SENP2: variants seen among roughly 807,000 people sequenced by gnomAD.
The protein encoded by SENP2 is sentrin-specific protease 2.
In SENP2, 16 loss-of-function variants were observed where a neutral mutation model predicts 86.3. That is an observed-to-expected ratio of 0.19 (90% CI 0.13 to 0.28). The LOEUF (loss-of-function observed/expected upper bound fraction) is 0.28. Ranked by LOEUF, SENP2 falls within the 10% of genes least tolerant of loss-of-function variation. SENP2 has a pLI of 1.00. For missense variants in SENP2, 552 were observed against 703.0 expected, an observed-to-expected ratio of 0.79 and a Z score of 2.43; for synonymous variants, 222 against 238.7, an observed-to-expected ratio of 0.93 and a Z score of 0.64.
chr3:185,623,377 T>C (rs1213038051), intron 14 of SENP2, among the ~76,000 whole-genome samples: 1 of 151,798 alleles, frequency 6.6e-6, no homozygotes, highest in Non-Finnish European at 1.5e-5. Context: ...CGACCTCAGG[T>C]GATCCATCCG....
At chr3:185,620,318 C>A (rs936926097) in intron 13 of SENP2, among the ~76,000 whole-genome samples, 2 of 152,106 alleles carry the variant, frequency 1.3e-5, no homozygotes, top group Non-Finnish European at 2.9e-5. Flanking sequence ...TTTAAGCAGT[C>A]CTCCCACCTC....
At chr3:185,594,734 C>T (rs559140364) in intron 2 of SENP2, among the ~76,000 whole-genome samples, 1 of 152,040 alleles carries the variant, frequency 6.6e-6, no homozygotes, top group East Asian at 1.9e-4. Context: ...ATTCTCCTGC[C>T]TCAGTCTCCT....
intron 13 of SENP2, among the ~76,000 whole-genome samples, chr3:185,620,865 G>A (rs1711834756): frequency 6.6e-6 from 1 of 151,928 alleles, no homozygotes; most frequent in Admixed American, 6.6e-5. Context: ...AAGGCCAGGT[G>A]TGGTGGCTCA....
At chr3:185,624,401 T>C (rs1231458607) in intron 15 of SENP2, among the ~76,000 whole-genome samples, 1 of 152,162 alleles carries the variant, frequency 6.6e-6, no homozygotes, top group Admixed American at 6.6e-5. Context: ...CATCTTCTTG[T>C]CTAAATGTAA....
rs1485955698 is a variant in SENP2, at chr3:185,633,221, A to G, written c.*3377A>G. ...TATCCTAGTAGAAACAGTGAACCTC[A>G]GATATGAATAAATAAGCAAGAGACC... On this transcript the variant is annotated 3_prime_UTR_variant, in exon 17 of 17. Coordinates refer to ENST00000296257, the MANE Select transcript of SENP2 (RefSeq NM_021627.3). 1.3e-5 allele frequency: 2 copies of G among 152,244 alleles called. No homozygotes were observed. The highest frequency in any genetic ancestry group is 2.9e-5 in the Non-Finnish European group (2 of 68,048). 9.4% of individuals were successfully genotyped at this position (152,244 alleles called of 1,614,324 possible). A position where few individuals can be genotyped will look rare whatever the true frequency, so the allele number is the denominator to read the frequency against.
chr3:185,613,231 G>A, intron 9 of SENP2, 114 bp from the exon 10 acceptor site: 1 of 705,326 alleles, frequency 1.4e-6, no homozygotes, highest in Non-Finnish European at 2.5e-6. Flanking sequence ...AGAGTATTAT[G>A]TAAACTCAAC....
chr3:185,598,589 T>C, intron 3 of SENP2, 44 bp downstream of exon 3: 1 of 1,552,614 alleles, frequency 6.4e-7, no homozygotes, highest in Non-Finnish European at 8.7e-7. Context: ...ATCTTTATAC[T>C]TAATCATTAT....
chr3:185,610,137 C>T (rs1429163553), intron 7 of SENP2, among the ~76,000 whole-genome samples: 6 of 147,142 alleles, frequency 4.1e-5, no homozygotes, highest in African/African-American at 1.5e-4. Context: ...ATTAAAAAGT[C>T]ACAGAATATT....
Position 185,630,051 on chromosome 3 carries a change from C to A in SENP2, c.*207C>A. On this transcript the variant is annotated 3_prime_UTR_variant, in exon 17 of 17. Coordinates refer to ENST00000296257, the MANE Select transcript of SENP2 (RefSeq NM_021627.3). ...TGCAATCCTGTTTGTAAGGCTGTGC[C>A]TGCTCAGAGCTTTGGACTGTTCAAC... The A allele has an allele frequency of 1.8e-6, 1 of 557,990 alleles. No individual in the cohort carries two copies. The allele number at this position is 557,990 out of a possible 1,614,324, so 34.6% of individuals were successfully genotyped here.
At chr3:185,609,458 G>C (rs1179052570) in intron 7 of SENP2, 108 bp downstream of exon 7, 1 of 732,242 alleles carries the variant, frequency 1.4e-6, no homozygotes, top group African/African-American at 1.8e-5. Context: ...TTAACCCTGA[G>C]AGAACTAGCT....
At position 185,621,883 on chromosome 3, in the gene SENP2, C is replaced by T. The variant is rs1245948869; in HGVS notation, c.1504C>T (p.His502Tyr). ...TCTGGATTCTATGGGACAAAAGGGC[C>T]ACAGGATCTGTGAGATTCTCCTGTA... Reference protein sequence around the residue: ...KYLDSMGQKGHRICEILLQYL... With the variant: ...KYLDSMGQKGYRICEILLQYL... Residue 502 changes from histidine (H) to tyrosine (Y), a missense_variant, in exon 14 of 17, where the codon CAC becomes TAC. Transcript: ENST00000296257. The T allele has an allele frequency of 6.2e-7, 1 of 1,611,504 alleles. No homozygotes were observed. Among genetic ancestry groups the T allele is most frequent in the Non-Finnish European group, 8.5e-7 (1 of 1,178,150 alleles).
chr3:185,615,708 T>G (rs1711571936), intron 11 of SENP2, among the ~76,000 whole-genome samples: 1 of 152,236 alleles, frequency 6.6e-6, no homozygotes, highest in Admixed American at 6.5e-5. Context: ...TGCATTTATC[T>G]GCATAATTCT....
Position 185,632,078 on chromosome 3 carries a change from C to T in SENP2, c.*2234C>T, listed in dbSNP as rs1184491350. On this transcript the variant is annotated 3_prime_UTR_variant, in exon 17 of 17. Transcript: ENST00000296257. Reference sequence around the variant, plus strand: ...CTTCTCTAGGCACTCACATGTCTCCCTTGGCATAAGGAAACATGTTAGTAA... The same window carrying T: ...CTTCTCTAGGCACTCACATGTCTCCTTTGGCATAAGGAAACATGTTAGTAA... 6.6e-6 allele frequency: 1 copy of T among 151,838 alleles called. No homozygotes were observed. The highest frequency in any genetic ancestry group is 1.9e-4 in the East Asian group (1 of 5,144). 9.4% of individuals were successfully genotyped at this position (151,838 alleles called of 1,614,324 possible). A position where few individuals can be genotyped will look rare whatever the true frequency, so the allele number is the denominator to read the frequency against.
chr3:185,615,302 G>A (rs573972993), intron 11 of SENP2, among the ~76,000 whole-genome samples: 86 of 152,312 alleles, frequency 5.6e-4, no homozygotes, highest in African/African-American at 2.0e-3. Context: ...CCATAAAATG[G>A]TGAAGCTGTG....
At chr3:185,626,269 C>T (rs1299362901) in intron 15 of SENP2, 29 bp from the exon 16 acceptor site, 6 of 1,434,342 alleles carry the variant, frequency 4.2e-6, no homozygotes, top group East Asian at 2.3e-5. Context: ...TTTACCCTTT[C>T]CTCTCTTCTT....
Position 185,619,500 on chromosome 3 carries a change from G to C in SENP2, c.1444G>C (p.Val482Leu), listed in dbSNP as rs1577739867. 1 of 1,613,498 alleles carries C rather than the reference G, an allele frequency of 6.2e-7. No individual in the cohort carries two copies. Among genetic ancestry groups the C allele is most frequent in the Non-Finnish European group, 8.5e-7 (1 of 1,179,546 alleles). ...PIHRKVHWSL[V>L]VIDLRKKCLK... ...TCATCGGAAGGTACATTGGAGCCTGGTGGTGAGTAGAGAGGGTTAATGGTT... is the reference window on the plus strand; with the variant it reads ...TCATCGGAAGGTACATTGGAGCCTGCTGGTGAGTAGAGAGGGTTAATGGTT... The change falls in exon 13 of 17, where the codon GTG becomes CTG. Residue 482 changes from valine (V) to leucine (L), a missense_variant and splice_region_variant. Around this residue, in one of 2 missense-constraint regions of SENP2, gnomAD observed 169 missense variants for 275.7 expected, o/e 0.61. Transcript: ENST00000296257.
At chr3:185,622,304 G>A (rs1031272515) in intron 14 of SENP2, among the ~76,000 whole-genome samples, 2 of 152,162 alleles carry the variant, frequency 1.3e-5, no homozygotes, top group East Asian at 3.8e-4. Flanking sequence ...TTTAAAGTGT[G>A]TGGTTTGAGG....
chr3:185,614,870 T>C (rs1711545030), intron 11 of SENP2, 130 bp downstream of exon 11: 1 of 802,580 alleles, frequency 1.2e-6, no homozygotes, highest in African/African-American at 1.7e-5. Flanking sequence ...GTCAGGTCCA[T>C]GGTCTGTTGA....
At chr3:185,626,873 C>T (rs771087197) in intron 16 of SENP2, among the ~76,000 whole-genome samples, 6 of 151,584 alleles carry the variant, frequency 4.0e-5, no homozygotes, top group Admixed American at 6.6e-5. Context: ...GTCAGGAGTT[C>T]GAGACCAGCC....
Sources: gnomAD v4.1 joint callset for allele counts (sites outside exome capture counted in the v4.1 genomes callset) on GRCh38, gnomAD v4.1.1 for gene constraint, gnomAD v4.1.1 regional missense constraint, MANE v1.5 for transcripts, NCBI Gene and HGNC (gene_info 2026-07-23, HGNC 2026-07-21) for gene names.